The following B4GALNT3 variants were observed in gnomAD, a reference collection of about 807,000 sequenced individuals.
The protein encoded by B4GALNT3 is beta-1,4-N-acetyl-galactosaminyltransferase 3.
In B4GALNT3, 86 loss-of-function variants were observed where a neutral mutation model predicts 120.2. That is an observed-to-expected ratio of 0.72 (90% CI 0.60 to 0.86). The LOEUF (loss-of-function observed/expected upper bound fraction) is 0.86. Ranked by LOEUF, B4GALNT3 falls within the 40% of genes least tolerant of loss-of-function variation. The pLI is 0.00. For synonymous variants in B4GALNT3, 518 were observed against 510.4 expected, an observed-to-expected ratio of 1.01 and a Z score of -0.20; for missense variants, 1,167 against 1,298.9, an observed-to-expected ratio of 0.90 and a Z score of 1.56.
Position 511,380 on chromosome 12 carries a change from C to A in B4GALNT3, c.170-23786C>A, listed in dbSNP as rs532285173. On this transcript the variant is annotated intron_variant, in intron 1 of 19. Transcript: ENST00000266383. ...CTTCCACCTTCAACCTTCCGCCTTC[C>A]GCCTTCCACCTTCTGTCTTCCACCT... is the stretch of plus-strand genomic sequence containing the variant. Among the ~76,000 whole-genome samples the A allele has an allele frequency of 6.7e-4, 85 of 127,266 alleles. 3 individuals carry two copies. The highest frequency in any genetic ancestry group is 3.4e-4 in the Non-Finnish European group (20 of 58,924). The allele number at this position is 127,266 out of a possible 152,430, so 83.5% of individuals were successfully genotyped here. A position where few individuals can be genotyped will look rare whatever the true frequency, so the allele number is the denominator to read the frequency against.
At chr12:463,525 G>A (rs1946045613) in intron 1 of B4GALNT3, among the ~76,000 whole-genome samples, 1 of 152,170 alleles carries the variant, frequency 6.6e-6, no homozygotes, top group Non-Finnish European at 1.5e-5. Flanking sequence ...GTGATGACCA[G>A]GATGTGGTTT....
At chr12:552,573 GA>G in intron 13 of B4GALNT3, 45 bp downstream of exon 13, 1 of 1,581,506 alleles carries the variant, frequency 6.3e-7, no homozygotes, top group East Asian at 2.2e-5. Context: ...TGAGAGGGGC[GA>G]CCATGGTCTG....
At chr12:504,457 G>A (rs544285827) in intron 1 of B4GALNT3, among the ~76,000 whole-genome samples, 14 of 89,774 alleles carry the variant, frequency 1.6e-4, no homozygotes, top group Admixed American at 1.2e-3. Flanking sequence ...CCGCCCCCCC[G>A]CCCCCGAACT....
At chr12:552,292 T>TACACACACACAC (rs10604398) in intron 12 of B4GALNT3, 129 bp downstream of exon 12, 376 of 627,110 alleles carry the variant, frequency 6.0e-4, no homozygotes, top group African/African-American at 5.7e-3. Context: ...TCCTGAGTAC[T>TACACACACACAC]ACACACACAC....
chr12:474,946 T>TAAAAAAAAAAAA, intron 1 of B4GALNT3, among the ~76,000 whole-genome samples: 1 of 33,024 alleles, frequency 3.0e-5, no homozygotes, highest in East Asian at 1.7e-3. Context: ...AGACCTTGTC[T>TAAAAAAAAAAAA]CAAAAAAAAA....
chr12:552,492 A>G lies in B4GALNT3; in HGVS notation c.1234A>G (p.Ile412Val). ...DRFSFQEYIK[I>V]DQPEKQGLEQ... is the part of the protein sequence containing the mutation. The stretch of plus-strand genomic sequence containing the variant: ...GTTCAGCTTTCAGGAGTACATCAAG[A>G]TTGACCAGCCTGAGAAGCAGGGGCT... Residue 412 changes from isoleucine (I) to valine (V), a missense_variant, in exon 13 of 20, where the codon ATT becomes GTT. Physicochemically the swap from Ile to Val is conservative, Grantham distance 29. Around this residue, in one of 3 missense-constraint regions of B4GALNT3, gnomAD observed 983 missense variants for 1,102.5 expected, o/e 0.89. Coordinates refer to ENST00000266383, the MANE Select transcript of B4GALNT3 (RefSeq NM_173593.4). 1 of 1,613,856 alleles carries G rather than the reference A, an allele frequency of 6.2e-7. No individual in the cohort carries two copies. The highest frequency in any genetic ancestry group is 8.5e-7 in the Non-Finnish European group (1 of 1,179,982).
chr12:482,065 T>A (rs539031413), intron 1 of B4GALNT3, among the ~76,000 whole-genome samples: 4 of 152,260 alleles, frequency 2.6e-5, no homozygotes, highest in African/African-American at 9.6e-5. Context: ...GAGCCAATAA[T>A]CTAATTGAGT....
At chr12:536,420 TA>T in intron 3 of B4GALNT3, 125 bp downstream of exon 3, 1 of 661,854 alleles carries the variant, frequency 1.5e-6, no homozygotes, top group Non-Finnish European at 2.5e-6. Flanking sequence ...TTGAGAGAGC[TA>T]AAAAATAATG....
intron 1 of B4GALNT3, among the ~76,000 whole-genome samples, chr12:491,170 T>A (rs746695703): frequency 5.9e-5 from 9 of 152,102 alleles, no homozygotes; most frequent in Non-Finnish European, 1.2e-4. Context: ...GTAAAAAGAT[T>A]ATACATCATG....
At chr12:526,171 T>C (rs967415646) in intron 1 of B4GALNT3, among the ~76,000 whole-genome samples, 1 of 152,158 alleles carries the variant, frequency 6.6e-6, no homozygotes, top group Non-Finnish European at 1.5e-5. Flanking sequence ...AATGTCTCCA[T>C]TGGTGCTTTT....
At chr12:464,970 G>A (rs1229868356) in intron 1 of B4GALNT3, among the ~76,000 whole-genome samples, 1 of 152,236 alleles carries the variant, frequency 6.6e-6, no homozygotes, top group Non-Finnish European at 1.5e-5. Flanking sequence ...TCCAGTGAGA[G>A]AGGTAATGCA....
intron 1 of B4GALNT3, among the ~76,000 whole-genome samples, chr12:461,784 T>A (rs1014375533): frequency 3.9e-5 from 6 of 152,176 alleles, no homozygotes; most frequent in Admixed American, 1.3e-4. Context: ...GAAATGTATA[T>A]TTATGGCCTA....
At chr12:543,951 G>A (rs1347848145) in intron 3 of B4GALNT3, among the ~76,000 whole-genome samples, 1 of 136,888 alleles carries the variant, frequency 7.3e-6, no homozygotes, top group Non-Finnish European at 1.6e-5. Context: ...GAGGATCTGG[G>A]GCGGGTGTGG....
chr12:552,846 A>C, intron 13 of B4GALNT3: 1 of 496,104 alleles, frequency 2.0e-6, no homozygotes, highest in Non-Finnish European at 3.6e-6. Context: ...TGGTTTAGAG[A>C]AGCACTGTCT....
chr12:554,763 C>T (rs1225713453), intron 14 of B4GALNT3, among the ~76,000 whole-genome samples: 1 of 105,844 alleles, frequency 9.4e-6, no homozygotes, highest in African/African-American at 3.8e-5. Flanking sequence ...GCACTCCAGC[C>T]TGGGCGACAG....
chr12:467,195 C>G (rs1406664271), intron 1 of B4GALNT3, among the ~76,000 whole-genome samples: 1 of 152,128 alleles, frequency 6.6e-6, no homozygotes, highest in Non-Finnish European at 1.5e-5. Context: ...CAGCCTTGAA[C>G]TCCTGGGCTC....
intron 1 of B4GALNT3, among the ~76,000 whole-genome samples, chr12:500,865 C>CCTTTTT (rs2043817132): frequency 3.2e-4 from 20 of 61,826 alleles, no homozygotes; most frequent in African/African-American, 1.5e-3. Context: ...GGCTCCACTG[C>CCTTTTT]TTTTTTTTTT....
At chr12:511,513 T>TCCGC (rs1473382228) in intron 1 of B4GALNT3, among the ~76,000 whole-genome samples, 1 of 84,838 alleles carries the variant, frequency 1.2e-5, no homozygotes. Flanking sequence ...CCTTCCACCT[T>TCCGC]CTTCCACCTT....
chr12:557,777 A>G lies in B4GALNT3; in HGVS notation c.2534+16A>G, dbSNP rs7300933. ...AGCTGCGGAGGTGAGGGGGACCACC[A>G]GCCAGGGGGTGGCATGGGCCACGTC... On this transcript the variant is annotated intron_variant, in intron 16 of 19. Coordinates refer to ENST00000266383, the MANE Select transcript of B4GALNT3 (RefSeq NM_173593.4). The G allele has an allele frequency of 0.35, 559,676 of 1,591,850 alleles. 99,695 individuals are homozygous for G. Among genetic ancestry groups the G allele is most frequent in the Non-Finnish European group, 0.36 (423,189 of 1,172,266 alleles).
Sources: allele counts gnomAD v4.1 joint callset (sites outside exome capture counted in the v4.1 genomes callset), GRCh38; gene constraint gnomAD v4.1.1; regional missense constraint gnomAD v4.1.1; transcripts MANE v1.5; gene names NCBI Gene and HGNC (gene_info 2026-07-23, HGNC 2026-07-21).